Variants in PRKCH observed in about 807,000 individuals in gnomAD.
PRKCH encodes the protein protein kinase C eta, also known as protein kinase C eta type.
PRKCH carries 28 observed loss-of-function variants against 82.5 expected under a neutral mutation model. The observed-to-expected ratio is 0.34, with a 90% CI of 0.25 to 0.47. The LOEUF (loss-of-function observed/expected upper bound fraction) is 0.47, where lower values mean the gene tolerates loss of function less well. Among genes scored for constraint, PRKCH ranks in the 20% least tolerant of loss-of-function variants. The pLI is 1.00. For missense variants in PRKCH, 705 were observed against 881.8 expected (o/e 0.80, Z 2.54); for synonymous variants, 322 against 327.4 (o/e 0.98, Z 0.18).
At chr14:61,337,340 T>C (rs1011449942) in intron 1 of PRKCH, among the ~76,000 whole-genome samples, 2 of 152,126 alleles carry the variant, frequency 1.3e-5, no homozygotes, top group Non-Finnish European at 2.9e-5. Flanking sequence ...GGTCTTGCCA[T>C]GTTGCTTAGG....
rs35385684 is a variant in PRKCH, at chr14:61,350,401, A to G, written c.363+27937A>G. Reference sequence around the variant, plus strand: ...AAAACATAGAGAAGAGAACTGACAGATATTTAGATCTATGGGCTTTTATAG... The same window carrying G: ...AAAACATAGAGAAGAGAACTGACAGGTATTTAGATCTATGGGCTTTTATAG... On this transcript the variant is annotated intron_variant, in intron 1 of 13. Coordinates refer to ENST00000332981, the MANE Select transcript of PRKCH (RefSeq NM_006255.5). Among the ~76,000 whole-genome samples, 967 of 152,338 alleles carry G rather than the reference A, an allele frequency of 6.3e-3. 8 individuals carry two copies. The highest frequency in any genetic ancestry group is 1.0e-2 in the Non-Finnish European group (677 of 68,030).
At chr14:61,453,834 T>A (rs1722167297) in intron 7 of PRKCH, among the ~76,000 whole-genome samples, 3 of 152,032 alleles carry the variant, frequency 2.0e-5, no homozygotes, top group East Asian at 1.9e-4. Flanking sequence ...TTTATTTTTT[T>A]TTTTGTAGAG....
chr14:61,214,450 G>A (rs529241642), intron 1 of PRKCH, among the ~76,000 whole-genome samples: 61 of 152,038 alleles, frequency 4.0e-4, no homozygotes, highest in Non-Finnish European at 7.4e-4. Flanking sequence ...AATTAGGTTT[G>A]CCCATACCCA....
At chr14:61,225,829 C>T (rs892567277) in intron 1 of PRKCH, among the ~76,000 whole-genome samples, 4 of 151,582 alleles carry the variant, frequency 2.6e-5, no homozygotes, top group Admixed American at 6.6e-5. Context: ...ACCTCTGCTT[C>T]GTAGGCTCAA....
rs181314748 is a variant in PRKCH at position 61,371,874 on chromosome 14, G to A, written c.364-19351G>A. 2.3e-3 allele frequency among the ~76,000 whole-genome samples: 356 copies of A among 151,998 alleles called. 7 individuals carry two copies. The highest frequency in any genetic ancestry group is 9.0e-4 in the Non-Finnish European group (61 of 68,006). ...GAAATTATTGGGAATTCCTCTGCTT[G>A]GGAGATTTGTCTATTCTCCCCCATT... is the stretch of plus-strand genomic sequence containing the variant. On this transcript the variant is annotated intron_variant, in intron 1 of 13. Transcript: ENST00000332981.
chr14:61,363,088 A>G (rs770918688), intron 1 of PRKCH, among the ~76,000 whole-genome samples: 2 of 152,250 alleles, frequency 1.3e-5, no homozygotes, highest in African/African-American at 2.4e-5. Context: ...GTGTCAGTGC[A>G]TTAAACAGTC....
At chr14:61,200,624 A>C (rs8020948) in intron 1 of PRKCH, among the ~76,000 whole-genome samples, 9,667 of 152,120 alleles carry the variant, frequency 0.064, 1,022 homozygotes, top group African/African-American at 0.22. Flanking sequence ...TACAGTAGTC[A>C]ATCCTTATCC....
rs374978994 is a variant in PRKCH at position 61,502,744 on chromosome 14, A to G, written c.1433+17088A>G. ...CTCCTGCCCTCTAAGAACAGATGGG[A>G]GCAGCCCCAAATCTTGCAAATGAAG... On this transcript the variant is annotated intron_variant, in intron 10 of 13. Coordinates refer to ENST00000332981, the MANE Select transcript of PRKCH (RefSeq NM_006255.5). 3.3e-4 allele frequency among the ~76,000 whole-genome samples: 51 copies of G among 152,306 alleles called. No homozygotes were observed. The South Asian group carries it at 0.01, about 31-fold the overall frequency.
intron 10 of PRKCH, among the ~76,000 whole-genome samples, chr14:61,500,732 A>G (rs1167268738): frequency 6.6e-6 from 1 of 152,146 alleles, no homozygotes; most frequent in Non-Finnish European, 1.5e-5. Flanking sequence ...CCACTCTGCA[A>G]AGGTGGATAT....
chr14:61,336,818 C>T (rs770543554), intron 1 of PRKCH, among the ~76,000 whole-genome samples: 26 of 152,018 alleles, frequency 1.7e-4, no homozygotes, highest in Admixed American at 2.0e-4. Flanking sequence ...CCTGTAATTC[C>T]AGCACTATGG....
chr14:61,191,290 A>G (rs1472984396), intron 1 of PRKCH, among the ~76,000 whole-genome samples: 3 of 152,338 alleles, frequency 2.0e-5, no homozygotes, highest in Non-Finnish European at 2.9e-5. Context: ...GAGTTTGTTA[A>G]GGTAACCAGA....
At chr14:61,457,392 C>T (rs189138909) in intron 8 of PRKCH, 73 bp downstream of exon 8, 72 of 1,588,176 alleles carry the variant, frequency 4.5e-5, no homozygotes, top group African/African-American at 1.1e-4. Context: ...TGTGTGTGCA[C>T]GCATGCGCAC....
intron 2 of PRKCH, among the ~76,000 whole-genome samples, chr14:61,428,600 T>G (rs1883244160): frequency 6.6e-6 from 1 of 152,216 alleles, no homozygotes; most frequent in African/African-American, 2.4e-5. Context: ...TTAAACTTTC[T>G]TACTGTCTTA....
Position 61,346,005 on chromosome 14 carries a change from C to A in PRKCH, c.363+23541C>A, listed in dbSNP as rs550621103. Among the ~76,000 whole-genome samples, 8 of 152,128 alleles carry A rather than the reference C, an allele frequency of 5.3e-5. No homozygotes were observed. The East Asian group carries it at 1.5e-3, about 29-fold the overall frequency. ...TTTTCAGATGGACTCTGGGTATTTGCCTTTTAAGGCTATATGCCTTTTAAT... is the reference window on the plus strand; with the variant it reads ...TTTTCAGATGGACTCTGGGTATTTGACTTTTAAGGCTATATGCCTTTTAAT... On this transcript the variant is annotated intron_variant, in intron 1 of 13. Transcript: ENST00000332981.
chr14:61,248,502 T>C (rs1367396184), intron 1 of PRKCH, among the ~76,000 whole-genome samples: 4 of 152,136 alleles, frequency 2.6e-5, no homozygotes, highest in Non-Finnish European at 5.9e-5. Context: ...TCAGACTTCA[T>C]ACCAGCTTAC....
chr14:61,490,106 C>T (rs4902064), intron 10 of PRKCH, among the ~76,000 whole-genome samples: 99,446 of 151,946 alleles, frequency 0.65, 37,119 homozygotes, highest in Middle Eastern at 0.84. Flanking sequence ...CCTTATGCAG[C>T]TGTTGGCATG....
In PRKCH at chr14:61,291,449, C is replaced by T. The variant is rs375366289; in HGVS notation, c.-19+103781C>T. ...GGTTCAAGCAATTCTCCTGCCTCAG[C>T]CCCCCAAGTAGCTGGGACTACAGGT... On this transcript the variant is annotated intron_variant, in intron 1 of 3. Transcript: ENST00000555185. Among the ~76,000 whole-genome samples, 47 of 151,968 alleles carry T rather than the reference C, an allele frequency of 3.1e-4. No homozygotes were observed. The East Asian group carries it at 3.9e-3, about 13-fold the overall frequency.
chr14:61,348,083 T>A (rs1341769968), intron 1 of PRKCH: 2 of 152,230 alleles, frequency 1.3e-5, no homozygotes, highest in East Asian at 3.9e-4. Flanking sequence ...TCTATTTATT[T>A]GATGGTCAGC....
chr14:61,283,338 A>G (rs2045288136), intron 1 of PRKCH, among the ~76,000 whole-genome samples: 1 of 152,182 alleles, frequency 6.6e-6, no homozygotes, highest in African/African-American at 2.4e-5. Context: ...TTCAAAGTCA[A>G]AAGAGAATAT....
Sources: gnomAD v4.1 joint callset for allele counts (sites outside exome capture counted in the v4.1 genomes callset) on GRCh38, gnomAD v4.1.1 for gene constraint, MANE v1.5 for transcripts, NCBI Gene and HGNC (gene_info 2026-07-23, HGNC 2026-07-21) for gene names.